RIN2: variants seen among roughly 807,000 people sequenced by gnomAD.
RIN2 encodes the protein Ras and Rab interactor 2, also known as RAB5 interacting protein 2.
In RIN2, 36 loss-of-function variants were observed where a neutral mutation model predicts 78.0. The observed-to-expected ratio is 0.46, with a 90% CI of 0.35 to 0.61. The LOEUF (loss-of-function observed/expected upper bound fraction) is 0.61, where lower values mean the gene tolerates loss of function less well. Among genes scored for constraint, RIN2 ranks in the 20% least tolerant of loss-of-function variants. The pLI is 0.00. For missense variants in RIN2, 1,087 were observed against 1,159.7 expected (o/e 0.94, Z 0.91); for synonymous variants, 466 against 466.8 (o/e 1.00, Z 0.02).
At chr20:19,777,972 T>G (rs1013849866) in intron 1 of RIN2, among the ~76,000 whole-genome samples, 11 of 152,178 alleles carry the variant, frequency 7.2e-5, no homozygotes, top group South Asian at 4.1e-4. Context: ...CCAAGGAAAT[T>G]CCTAAAAAGG....
In RIN2 at chr20:19,889,088, C is replaced by T. The variant is rs990465460; in HGVS notation, c.-36-478C>T. ...AAATAGAGCAATTTCTTCCCAGTGC[C>T]CTTCTGTTGACCTTGCCTGGGGGAG... On this transcript the variant is annotated intron_variant, in intron 2 of 12. Transcript: ENST00000255006. The T allele has an allele frequency of 3.6e-5, 35 of 978,060 alleles. 1 individual carries two copies. In the Admixed American group the frequency reaches 4.3e-4, roughly 12 times the overall value. 60.6% of individuals were successfully genotyped at this position (978,060 alleles called of 1,614,324 possible).
intron 2 of RIN2, chr20:19,886,905 T>C (rs543756904): frequency 1.5e-4 from 88 of 578,702 alleles, no homozygotes; most frequent in Non-Finnish European, 2.5e-4. Context: ...TTAAATGGTA[T>C]TAAATTGCTG....
chr20:19,971,393 T>C (rs559795547), intron 8 of RIN2, among the ~76,000 whole-genome samples: 3 of 152,308 alleles, frequency 2.0e-5, no homozygotes, highest in Admixed American at 6.5e-5. Flanking sequence ...CCTTTGCCGA[T>C]GTCCCCTAAG....
intron 1 of RIN2, among the ~76,000 whole-genome samples, chr20:19,769,507 C>T (rs1194203010): frequency 6.6e-6 from 1 of 152,208 alleles, no homozygotes; most frequent in Non-Finnish European, 1.5e-5. Flanking sequence ...ATCATCGACC[C>T]TCCATCTCTG....
At chr20:19,994,135 A>G (rs1375484973) in intron 11 of RIN2, among the ~76,000 whole-genome samples, 14 of 152,220 alleles carry the variant, frequency 9.2e-5, no homozygotes, top group Admixed American at 7.9e-4. Flanking sequence ...GCTAGTGAGG[A>G]TACAAAAGCT....
At chr20:19,770,844 T>G (rs2034083824) in intron 1 of RIN2, among the ~76,000 whole-genome samples, 1 of 147,824 alleles carries the variant, frequency 6.8e-6, no homozygotes, top group Non-Finnish European at 1.5e-5. Flanking sequence ...TCCCACAGGG[T>G]GAGGGCTGAG....
chr20:19,911,549 A>G (rs944831348), intron 3 of RIN2, among the ~76,000 whole-genome samples: 4 of 152,216 alleles, frequency 2.6e-5, no homozygotes, highest in African/African-American at 4.8e-5. Flanking sequence ...GACACAAGCC[A>G]AAAAGCTATT....
intron 2 of RIN2, chr20:19,886,520 T>TAGTGC (rs2038197631): frequency 1.7e-6 from 1 of 582,766 alleles, no homozygotes; most frequent in Non-Finnish European, 3.1e-6. Flanking sequence ...CCGTTTACAT[T>TAGTGC]CTTTCAGTGG....
chr20:19,847,528 G>A (rs947558588), intron 2 of RIN2, among the ~76,000 whole-genome samples: 1 of 152,208 alleles, frequency 6.6e-6, no homozygotes, highest in African/African-American at 2.4e-5. Context: ...CGGAGACCCA[G>A]AGGGGGTTCT....
chr20:19,994,696 C>A (rs1486900915), intron 11 of RIN2, among the ~76,000 whole-genome samples: 1 of 152,156 alleles, frequency 6.6e-6, no homozygotes, highest in Non-Finnish European at 1.5e-5. Flanking sequence ...CTCCATACGG[C>A]CTTTCCTGAA....
Position 19,960,713 on chromosome 20 carries a change from A to G in RIN2, c.365A>G (p.His122Arg), listed in dbSNP as rs201529870. 556 of 1,597,414 alleles carry G rather than the reference A, an allele frequency of 3.5e-4. 2 individuals carry two copies. In the African/African-American group the frequency reaches 6.5e-3, roughly 19 times the overall value. ...QAQPPGIFLVHKSTKMQKKVL... is the reference protein window; with the variant it reads ...QAQPPGIFLVRKSTKMQKKVL... ...TCCCTCCACTAGATCTTCCTGGTTC[A>G]TAAATCTACCAAGATGCAGAAGAAA... Residue 122 changes from histidine (H) to arginine (R), a missense_variant, in exon 6 of 13, where the codon CAT becomes CGT. Physicochemically the swap from His to Arg is conservative, Grantham distance 29. Coordinates refer to ENST00000255006, the MANE Select transcript of RIN2 (RefSeq NM_018993.4).
At chr20:19,966,785 C>T (rs1339272832) in intron 7 of RIN2, among the ~76,000 whole-genome samples, 7 of 152,158 alleles carry the variant, frequency 4.6e-5, no homozygotes, top group Non-Finnish European at 1.0e-4. Context: ...TACCTGGGGG[C>T]ACCTCCCAAG....
chr20:19,813,287 T>C (rs1265883310), intron 2 of RIN2, among the ~76,000 whole-genome samples: 1 of 152,222 alleles, frequency 6.6e-6, no homozygotes, highest in Non-Finnish European at 1.5e-5. Context: ...TCAAGAAATA[T>C]GAGGTGGAAA....
intron 9 of RIN2, among the ~76,000 whole-genome samples, chr20:19,977,731 A>G (rs199578): frequency 0.34 from 51,348 of 152,010 alleles, 9,928 homozygotes; most frequent in Non-Finnish European, 0.44. Context: ...TCTCATCAGT[A>G]GTTCAGGGGA....
At chr20:19,944,404 A>G (rs916475581) in intron 4 of RIN2, among the ~76,000 whole-genome samples, 4 of 152,172 alleles carry the variant, frequency 2.6e-5, no homozygotes, top group Admixed American at 2.0e-4. Context: ...TCCTTTTGAT[A>G]CATGGTCAAG....
intron 2 of RIN2, among the ~76,000 whole-genome samples, chr20:19,811,261 G>C (rs907823949): frequency 3.3e-5 from 5 of 152,074 alleles, no homozygotes; most frequent in African/African-American, 1.2e-4. Context: ...GCCACCATTG[G>C]CAACGGGGGC....
intron 1 of RIN2, among the ~76,000 whole-genome samples, chr20:19,769,388 C>T (rs771094325): frequency 1.9e-4 from 29 of 152,094 alleles, no homozygotes; most frequent in Non-Finnish European, 3.7e-4. Flanking sequence ...GCACAGCACA[C>T]ACCCTCACCA....
intron 3 of RIN2, among the ~76,000 whole-genome samples, chr20:19,927,449 C>A (rs1171788977): frequency 3.3e-5 from 5 of 151,962 alleles, no homozygotes. Context: ...GAGTCTCACT[C>A]TGTTGCCCAG....
chr20:19,786,653 G>GT, intron 1 of RIN2, among the ~76,000 whole-genome samples: 1 of 152,060 alleles, frequency 6.6e-6, no homozygotes, highest in East Asian at 1.9e-4. Flanking sequence ...GCGGTGACTA[G>GT]TTATATAGCA....
Sources: gnomAD v4.1 joint callset for allele counts (sites outside exome capture counted in the v4.1 genomes callset) on GRCh38, gnomAD v4.1.1 for gene constraint, MANE v1.5 for transcripts, NCBI Gene and HGNC (gene_info 2026-07-23, HGNC 2026-07-21) for gene names.